The following NPEPPS variants were observed in gnomAD, a reference collection of about 807,000 sequenced individuals.
NPEPPS encodes aminopeptidase puromycin sensitive, also known as puromycin-sensitive aminopeptidase.
In NPEPPS, 14 loss-of-function variants were observed where a neutral mutation model predicts 115.5. The ratio of observed to expected loss-of-function variants is 0.12; its 90% CI spans 0.08 to 0.19. The LOEUF is 0.19. Among genes scored for constraint, NPEPPS ranks in the 10% least tolerant of loss-of-function variants. NPEPPS has a pLI of 1.00. For missense variants in NPEPPS, 523 were observed against 1,110.8 expected, an observed-to-expected ratio of 0.47 and a Z score of 7.52; for synonymous variants, 285 against 390.6, an observed-to-expected ratio of 0.73 and a Z score of 3.19.
At chr17:47,565,225 T>C (rs1028127194) in intron 2 of NPEPPS, among the ~76,000 whole-genome samples, 5 of 152,096 alleles carry the variant, frequency 3.3e-5, no homozygotes, top group Non-Finnish European at 5.9e-5. Flanking sequence ...AAGAAGTGAT[T>C]TGAGGCTGGG....
chr17:47,530,351 GTTTTTTTTTTT>G (rs58886094), upstream of NPEPPS, among the ~76,000 whole-genome samples: 1 of 97,822 alleles, frequency 1.0e-5, no homozygotes, highest in African/African-American at 4.0e-5. Flanking sequence ...ATTATTAAAG[GTTTTTTTTTTT>G]TTTTTTTTTT....
rs572663108 is a variant in NPEPPS, at chr17:47,622,326, C to T, written c.*406C>T. On this transcript the variant is annotated 3_prime_UTR_variant, in exon 23 of 23. Coordinates refer to ENST00000322157, the MANE Select transcript of NPEPPS (RefSeq NM_006310.4). ...TTGTGAAGTGGGTTCTGCAAGGAGC[C>T]TATAAAGCCAAGGGTGGTGTCCATT... 2.5e-5 allele frequency: 4 copies of T among 162,616 alleles called. No homozygotes were observed. The highest frequency in any genetic ancestry group is 9.6e-5 in the African/African-American group (4 of 41,462). 10.1% of individuals were successfully genotyped at this position (162,616 alleles called of 1,614,324 possible).
Position 47,538,202 on chromosome 17 carries a change from CTTTTTTTTTTT to C in NPEPPS, c.255+6660_255+6670del, listed in dbSNP as rs543559258. Among the ~76,000 whole-genome samples the C allele has an allele frequency of 5.5e-3, 319 of 58,502 alleles. 5 individuals carry two copies. The highest frequency in any genetic ancestry group is 0.017 in the African/African-American group (308 of 17,664). The allele number at this position is 58,502 out of a possible 152,430, so 38.4% of individuals were successfully genotyped here. A position where few individuals can be genotyped will look rare whatever the true frequency, so the allele number is the denominator to read the frequency against. On this transcript the variant is annotated intron_variant, in intron 1 of 22. Coordinates refer to ENST00000322157, the MANE Select transcript of NPEPPS (RefSeq NM_006310.4). ...GCCACCGCGCCTAGCCATATCTGTT[CTTTTTTTTTTT>C]TTTTTTTTTTTTGAGACAGAGTCTC...
chr17:47,561,346 CAA>C (rs71365075), intron 2 of NPEPPS, among the ~76,000 whole-genome samples: 15 of 60,760 alleles, frequency 2.5e-4, no homozygotes, highest in South Asian at 6.7e-4. Context: ...GACCCTGTCT[CAA>C]AAAAAAAAAA....
At chr17:47,537,775 T>C (rs1487415214) in intron 1 of NPEPPS, among the ~76,000 whole-genome samples, 6 of 152,176 alleles carry the variant, frequency 3.9e-5, no homozygotes, top group Middle Eastern at 3.2e-3. Flanking sequence ...GCTTTGCAAT[T>C]CCTCATAGTG....
rs551753826 is a variant in NPEPPS, at chr17:47,577,274, C to G, written c.419-2116C>G. 4.4e-4 allele frequency: 176 copies of G among 402,914 alleles called. 1 individual carries two copies. Among genetic ancestry groups the G allele is most frequent in the African/African-American group, 3.5e-3 (170 of 48,046 alleles). 25.0% of individuals were successfully genotyped at this position (402,914 alleles called of 1,614,324 possible). A position where few individuals can be genotyped will look rare whatever the true frequency, so the allele number is the denominator to read the frequency against. ...GAATTATATTTAAAAAACATCTTAA[C>G]AGTTGATTGACTTAGTGAAACAGAC... is the stretch of plus-strand genomic sequence containing the variant. On this transcript the variant is annotated intron_variant, in intron 3 of 22. Transcript: ENST00000322157.
chr17:47,581,677 C>G (rs1462221511), intron 4 of NPEPPS: 2 of 135,644 alleles, frequency 1.5e-5, no homozygotes, highest in Non-Finnish European at 3.3e-5. Context: ...TTTCTTCTAC[C>G]TCTTTGGTTT....
Position 47,596,383 on chromosome 17 carries a change from G to A in NPEPPS, c.1457G>A (p.Ser486Asn). The change falls in exon 13 of 23, where the codon AGT becomes AAT. Residue 486 changes from serine to asparagine, a missense_variant. By Grantham distance (46) the Ser-to-Asn change is conservative. Coordinates refer to ENST00000322157, the MANE Select transcript of NPEPPS (RefSeq NM_006310.4). ...EDLWESLENA[S>N]GKPIAAVMNT... ...CTCTGGGAAAGTTTAGAAAATGCTA[G>A]TGGTAAACCTATAGCAGCTGTGATG... 1 of 1,592,130 alleles carries A rather than the reference G, an allele frequency of 6.3e-7. No homozygotes were observed. The highest frequency in any genetic ancestry group is 1.3e-5 in the African/African-American group (1 of 74,634).
chr17:47,560,050 T>C lies in NPEPPS; in HGVS notation c.341-9367T>C, dbSNP rs1235714018. ...CCTAGAATGCAAAGCTTCCTCCTTA[T>C]GGAATTTCATCCTCTTCTTCATCTT... On this transcript the variant is annotated intron_variant, in intron 2 of 22. Coordinates refer to ENST00000322157, the MANE Select transcript of NPEPPS (RefSeq NM_006310.4). 3.3e-5 allele frequency among the ~76,000 whole-genome samples: 5 copies of C among 152,350 alleles called. No homozygotes were observed. In the East Asian group the frequency reaches 5.8e-4, roughly 18 times the overall value.
intron 17 of NPEPPS, 119 bp from the exon 18 acceptor site, chr17:47,612,341 T>C: frequency 1.1e-6 from 1 of 924,814 alleles, no homozygotes; most frequent in Non-Finnish European, 1.6e-6. Flanking sequence ...TTAAGTTAAT[T>C]GAGTGTGTTT....
intron 20 of NPEPPS, among the ~76,000 whole-genome samples, 162 bp downstream of exon 20, chr17:47,618,619 C>T (rs1914355062): frequency 6.6e-6 from 1 of 152,128 alleles, no homozygotes; most frequent in African/African-American, 2.4e-5. Flanking sequence ...TGTTTTTCTC[C>T]CACTAGTGGC....
intron 1 of NPEPPS, among the ~76,000 whole-genome samples, chr17:47,536,296 AGTTT>A (rs1035901478): frequency 7.3e-5 from 11 of 151,640 alleles, no homozygotes; most frequent in Admixed American, 3.3e-4. Flanking sequence ...CCAATATAGT[AGTTT>A]GTTTGGCAGA....
At chr17:47,561,346 C>CAAA (rs71365075) in intron 2 of NPEPPS, among the ~76,000 whole-genome samples, 60 of 60,530 alleles carry the variant, frequency 9.9e-4, no homozygotes, top group Admixed American at 3.1e-3. Flanking sequence ...GACCCTGTCT[C>CAAA]AAAAAAAAAA....
At chr17:47,565,169 G>A (rs903184867) in intron 2 of NPEPPS, among the ~76,000 whole-genome samples, 8 of 152,158 alleles carry the variant, frequency 5.3e-5, no homozygotes, top group Non-Finnish European at 1.0e-4. Context: ...ATCACAAGAG[G>A]GTATAGAATG....
Position 47,613,671 on chromosome 17 carries a change from C to A in NPEPPS, c.2241C>A (p.Val747=). The change falls in exon 19 of 23, where the codon GTC becomes GTA. Residue 747 remains valine, a splice_region_variant and synonymous_variant. Coordinates refer to ENST00000322157, the MANE Select transcript of NPEPPS (RefSeq NM_006310.4). ...QILSADLRSP[V]YLTVLKHGDG... is the part of the protein sequence containing the mutation. ...GACTTATTTTTTGTCCCTTGTAGGT[C>A]TATCTGACTGTTTTGAAGCATGGTG... 1 of 1,609,466 alleles carries A rather than the reference C, an allele frequency of 6.2e-7. No homozygotes were observed. Among genetic ancestry groups the A allele is most frequent in the South Asian group, 1.1e-5 (1 of 90,868 alleles).
intron 2 of NPEPPS, among the ~76,000 whole-genome samples, chr17:47,564,835 C>T (rs1229965296): frequency 6.6e-6 from 1 of 151,758 alleles, no homozygotes; most frequent in African/African-American, 2.4e-5. Flanking sequence ...TGAGATAGAT[C>T]CTTATTTGAA....
chr17:47,528,528 A>G (rs566853916), upstream of NPEPPS, among the ~76,000 whole-genome samples: 1 of 152,344 alleles, frequency 6.6e-6, no homozygotes, highest in East Asian at 1.9e-4. Flanking sequence ...ACACGTGACT[A>G]CTGATCACGT....
At chr17:47,611,753 A>G (rs1401498610) in intron 17 of NPEPPS, among the ~76,000 whole-genome samples, 1 of 152,170 alleles carries the variant, frequency 6.6e-6, no homozygotes, top group Non-Finnish European at 1.5e-5. Flanking sequence ...GATTATAGGC[A>G]TGAGCTACTG....
At chr17:47,602,440 C>T (rs1250576414) in intron 15 of NPEPPS, among the ~76,000 whole-genome samples, 2 of 151,872 alleles carry the variant, frequency 1.3e-5, no homozygotes, top group Admixed American at 6.6e-5. Flanking sequence ...CAAGAACAGC[C>T]TGACCAACAT....
Sources: allele counts gnomAD v4.1 joint callset (sites outside exome capture counted in the v4.1 genomes callset), GRCh38; gene constraint gnomAD v4.1.1; transcripts MANE v1.5; gene names NCBI Gene and HGNC (gene_info 2026-07-23, HGNC 2026-07-21).